The following GPBP1 variants were observed in gnomAD, a reference collection of about 807,000 sequenced individuals.
GPBP1 encodes the protein GC-rich promoter binding protein 1, also known as vasculin.
A neutral mutation model predicts 56.5 loss-of-function variants in GPBP1; 13 were observed. The ratio of observed to expected loss-of-function variants is 0.23; its 90% CI spans 0.15 to 0.37. GPBP1 has a LOEUF of 0.37. Among genes scored for constraint, GPBP1 ranks in the 10% least tolerant of loss-of-function variants. The probability of loss-of-function intolerance (pLI) is 1.00; values close to 1 mark genes in which losing one functional copy is unlikely to be tolerated. For missense variants in GPBP1, 477 were observed against 572.3 expected, an observed-to-expected ratio of 0.83 and a Z score of 1.70; for synonymous variants, 204 against 188.9, an observed-to-expected ratio of 1.08 and a Z score of -0.66.
chr5:57,174,261 T>A (rs1753694255), intron 1 of GPBP1, 50 bp downstream of exon 1: 1 of 150,470 alleles, frequency 6.6e-6, no homozygotes, highest in African/African-American at 2.5e-5. Context: ...AGGAGGGGAG[T>A]GCCCGTGTCC....
At chr5:57,220,663 T>C (rs1321237584) in intron 3 of GPBP1, among the ~76,000 whole-genome samples, 1 of 152,046 alleles carries the variant, frequency 6.6e-6, no homozygotes, top group South Asian at 2.1e-4. Context: ...TTTCATCATA[T>C]TGTCCAGGCT....
intron 7 of GPBP1, among the ~76,000 whole-genome samples, 196 bp downstream of exon 7, chr5:57,246,680 TAGC>T (rs1039236965): frequency 2.0e-5 from 3 of 152,152 alleles, no homozygotes; most frequent in Admixed American, 1.3e-4. Context: ...TTTATTGTTT[TAGC>T]AGTAGTAAGT....
chr5:57,235,924 T>A, intron 5 of GPBP1, 42 bp from the exon 6 acceptor site: 1 of 1,393,710 alleles, frequency 7.2e-7, no homozygotes, highest in Non-Finnish European at 1.0e-6. Context: ...TTTAAATGAT[T>A]TATTTTTAAA....
intron 7 of GPBP1, 28 bp from the exon 8 acceptor site, chr5:57,247,047 C>T: frequency 6.3e-7 from 1 of 1,591,624 alleles, no homozygotes; most frequent in Non-Finnish European, 8.5e-7. Context: ...TTTTTGATAG[C>T]CATTAATGTT....
rs1355319566 is a variant in GPBP1 at position 57,256,177 on chromosome 5, A to G, written c.1161-5003A>G. On this transcript the variant is annotated intron_variant, in intron 10 of 11. Transcript: ENST00000506184. ...AGGCTGAAGCACAAGAATCTCTGGA[A>G]CCTAGGAGGTGAGGTGGCAGTGAGC... Among the ~76,000 whole-genome samples the G allele has an allele frequency of 2.0e-5, 3 of 152,224 alleles. No individual in the cohort carries two copies. In the East Asian group the frequency reaches 5.8e-4, roughly 29 times the overall value.
In GPBP1 at chr5:57,206,136, C is replaced by T. The variant is rs553204259; in HGVS notation, c.-57-7938C>T. On this transcript the variant is annotated intron_variant, in intron 2 of 11. Coordinates refer to ENST00000506184, the MANE Select transcript of GPBP1 (RefSeq NM_022913.4). ...AAGAGTTCTTTATATATTCTGGATA[C>T]TAGACCTTATTAGATATGAGGTGCA... 9.9e-5 allele frequency among the ~76,000 whole-genome samples: 15 copies of T among 152,244 alleles called. No homozygotes were observed. In the South Asian group the frequency reaches 2.7e-3, roughly 27 times the overall value.
rs556815913 is a variant in GPBP1, at chr5:57,244,125, A to G, written c.479-2175A>G. 1.5e-4 allele frequency among the ~76,000 whole-genome samples: 23 copies of G among 152,280 alleles called. 1 individual carries two copies. Among genetic ancestry groups the G allele is most frequent in the South Asian group, 1.2e-3 (6 of 4,828 alleles). ...TAGTAAGGATCTTTTGAATTATTCT[A>G]TTTTTATCAAAGTTGCATTTCTGCC... On this transcript the variant is annotated intron_variant, in intron 6 of 11. Transcript: ENST00000506184.
In GPBP1 at chr5:57,179,892, C is replaced by T. The variant is rs1378267149; in HGVS notation, c.-58+3492C>T. ...GATTATGGGTGAGAGCCACTGGGCC[C>T]GGCCCCTTGTCTCTGTTTTTGAATT... On this transcript the variant is annotated intron_variant, in intron 2 of 11. Coordinates refer to ENST00000506184, the MANE Select transcript of GPBP1 (RefSeq NM_022913.4). 9.9e-5 allele frequency among the ~76,000 whole-genome samples: 15 copies of T among 152,030 alleles called. No homozygotes were observed. In the East Asian group the frequency reaches 2.1e-3, roughly 22 times the overall value.
chr5:57,186,284 A>AC (rs948541284), intron 2 of GPBP1, among the ~76,000 whole-genome samples: 3 of 152,000 alleles, frequency 2.0e-5, no homozygotes, highest in African/African-American at 7.2e-5. Context: ...TACTTGAGAG[A>AC]CCAAGGTGGC....
At position 57,186,758 on chromosome 5, in the gene GPBP1, A is replaced by G. The variant is rs1754304393; in HGVS notation, c.-58+10358A>G. The stretch of plus-strand genomic sequence containing the variant: ...GATTTTTAAATTTTTTTGTGTGGAA[A>G]CAGAGTCTCACTGTGTTGCCCAGAG... On this transcript the variant is annotated intron_variant, in intron 2 of 11. Transcript: ENST00000506184. Among the ~76,000 whole-genome samples the G allele has an allele frequency of 2.0e-5, 3 of 152,108 alleles. 1 individual carries two copies. The highest frequency in any genetic ancestry group is 4.8e-5 in the African/African-American group (2 of 41,414).
At chr5:57,220,887 A>G (rs1430062869) in intron 3 of GPBP1, among the ~76,000 whole-genome samples, 1 of 148,568 alleles carries the variant, frequency 6.7e-6, no homozygotes, top group Non-Finnish European at 1.5e-5. Flanking sequence ...CAGAATCATC[A>G]TTTATGAATT....
At position 57,175,890 on chromosome 5, in the gene GPBP1, C is replaced by A. The variant is rs1040891620; in HGVS notation, c.-568C>A. On this transcript the variant is annotated 5_prime_UTR_variant, in exon 2 of 12. Transcript: ENST00000506184. ...TAGGAATTTTTGACTTCAGCTCTTT[C>A]ATGTCACAATGGGACACTTTTTCTG... The A allele has an allele frequency of 5.0e-6, 2 of 398,098 alleles. No individual in the cohort carries two copies. Among genetic ancestry groups the A allele is most frequent in the South Asian group, 1.3e-4 (1 of 7,734 alleles). 24.7% of individuals were successfully genotyped at this position (398,098 alleles called of 1,614,324 possible).
At chr5:57,201,556 T>C (rs962289517) in intron 2 of GPBP1, among the ~76,000 whole-genome samples, 19 of 152,232 alleles carry the variant, frequency 1.2e-4, no homozygotes, top group African/African-American at 4.3e-4. Context: ...AAGCCATCTC[T>C]AGGATTTTAC....
At chr5:57,234,897 A>G (rs879539550) in intron 5 of GPBP1, among the ~76,000 whole-genome samples, 3 of 152,248 alleles carry the variant, frequency 2.0e-5, no homozygotes, top group Non-Finnish European at 4.4e-5. Context: ...TGCTGTCAAC[A>G]CAGATTATAG....
At chr5:57,254,332 C>T (rs1741540904) in intron 10 of GPBP1, among the ~76,000 whole-genome samples, 3 of 152,080 alleles carry the variant, frequency 2.0e-5, no homozygotes, top group Admixed American at 1.3e-4. Context: ...TTTTGTTTCC[C>T]TTCTCCAAAT....
chr5:57,217,580 CAAACAAAA>C (rs1202970985), intron 3 of GPBP1, among the ~76,000 whole-genome samples: 1 of 151,676 alleles, frequency 6.6e-6, no homozygotes, highest in African/African-American at 2.4e-5. Context: ...TCAAAACAAA[CAAACAAAA>C]AACACAAAAA....
intron 2 of GPBP1, among the ~76,000 whole-genome samples, chr5:57,201,292 A>T (rs1156384193): frequency 6.6e-6 from 1 of 151,994 alleles, no homozygotes; most frequent in East Asian, 1.9e-4. Flanking sequence ...ATGTGCAGCT[A>T]ATTTTTTTTT....
chr5:57,201,471 G>A (rs1295915507), intron 2 of GPBP1, among the ~76,000 whole-genome samples: 1 of 152,126 alleles, frequency 6.6e-6, no homozygotes, highest in Non-Finnish European at 1.5e-5. Context: ...ATAGGCGTGA[G>A]CCACTGCATC....
chr5:57,219,703 A>G (rs1203932977), intron 3 of GPBP1, among the ~76,000 whole-genome samples: 1 of 152,094 alleles, frequency 6.6e-6, no homozygotes, highest in East Asian at 1.9e-4. Context: ...AAATAAATGT[A>G]AGACTTCTTG....
Sources: allele counts gnomAD v4.1 joint callset (sites outside exome capture counted in the v4.1 genomes callset), GRCh38; gene constraint gnomAD v4.1.1; transcripts MANE v1.5; gene names NCBI Gene and HGNC (gene_info 2026-07-23, HGNC 2026-07-21).